The following LYPLAL1 variants were observed in gnomAD, a reference collection of about 807,000 sequenced individuals.
LYPLAL1 encodes the protein lysophospholipase like 1, also known as lysophospholipase-like protein 1.
LYPLAL1 carries 23 observed loss-of-function variants against 19.7 expected under a neutral mutation model. That is an observed-to-expected ratio of 1.17 (90% CI 0.84 to 1.65). The LOEUF (loss-of-function observed/expected upper bound fraction) is 1.65. Ranked by LOEUF, LYPLAL1 falls within the 40% of genes most tolerant of loss-of-function variation. The probability of loss-of-function intolerance (pLI) is 0.00; values close to 1 mark genes in which losing one functional copy is unlikely to be tolerated. For missense variants in LYPLAL1, 355 were observed against 279.4 expected (o/e 1.27, Z -1.93); for synonymous variants, 119 against 96.3 (o/e 1.24, Z -1.38).
At chr1:219,405,214 G>T in the LYPLAL1 span, among the ~76,000 whole-genome samples, 1 of 152,152 alleles carries the variant, frequency 6.6e-6, no homozygotes, top group Admixed American at 6.5e-5. Context: ...GCATAAGTCT[G>T]CATGGAGCTC....
intron 2 of LYPLAL1, among the ~76,000 whole-genome samples, chr1:219,185,899 T>C (rs1307155473): frequency 3.3e-5 from 5 of 151,900 alleles, no homozygotes; most frequent in Non-Finnish European, 7.4e-5. Context: ...ATAGTACTCT[T>C]CCCTCATTAG....
At chr1:219,300,217 C>G in the LYPLAL1 span, among the ~76,000 whole-genome samples, 1 of 152,060 alleles carries the variant, frequency 6.6e-6, no homozygotes, top group Non-Finnish European at 1.5e-5. Flanking sequence ...CTCCTTGGCT[C>G]AAGGGATCCT....
At chr1:219,373,882 C>CCA in the LYPLAL1 span, among the ~76,000 whole-genome samples, 1 of 119,614 alleles carries the variant, frequency 8.4e-6, no homozygotes, top group African/African-American at 3.0e-5. Flanking sequence ...AAAAAAAAAA[C>CCA]AAAAAAAAAA....
the LYPLAL1 span, among the ~76,000 whole-genome samples, chr1:219,224,086 C>T: frequency 6.6e-6 from 1 of 151,904 alleles, no homozygotes; most frequent in Non-Finnish European, 1.5e-5. Flanking sequence ...GTTCTTTTGC[C>T]AATGAAATTA....
the LYPLAL1 span, among the ~76,000 whole-genome samples, chr1:219,252,934 G>A: frequency 6.6e-6 from 1 of 151,928 alleles, no homozygotes; most frequent in Non-Finnish European, 1.5e-5. Context: ...TGGTTGGTAG[G>A]CTATTTATTA....
chr1:219,200,662 C>CA, intron 3 of LYPLAL1: 1 of 229,884 alleles, frequency 4.4e-6, no homozygotes, highest in Non-Finnish European at 9.0e-6. Flanking sequence ...CACGATCTGT[C>CA]AAAAACCACA....
At chr1:219,397,745 C>G in the LYPLAL1 span, among the ~76,000 whole-genome samples, 7 of 152,154 alleles carry the variant, frequency 4.6e-5, no homozygotes, top group Admixed American at 6.5e-5. Flanking sequence ...AAAGGCAGGT[C>G]TGGTGGTAAC....
In LYPLAL1 at chr1:219,210,908, G is replaced by T. The variant is rs544893211; in HGVS notation, c.477+261G>T. On this transcript the variant is annotated intron_variant, in intron 4 of 4. Coordinates refer to ENST00000366928, the MANE Select transcript of LYPLAL1 (RefSeq NM_138794.5). ...AAAGGATAATCATGTGTGTGGTTGTGGGGGAGCATATATGTAAATTTTATA... is the reference window on the plus strand; with the variant it reads ...AAAGGATAATCATGTGTGTGGTTGTTGGGGAGCATATATGTAAATTTTATA... Among the ~76,000 whole-genome samples the T allele has an allele frequency of 3.3e-5, 5 of 152,232 alleles. No homozygotes were observed. In the East Asian group the frequency reaches 7.7e-4, roughly 24 times the overall value.
the LYPLAL1 span, among the ~76,000 whole-genome samples, chr1:219,277,737 G>A: frequency 6.6e-6 from 1 of 152,026 alleles, no homozygotes; most frequent in Non-Finnish European, 1.5e-5. Context: ...TTAAATAATT[G>A]ACATATTTTT....
At chr1:219,425,890 A>G in the LYPLAL1 span, among the ~76,000 whole-genome samples, 1 of 152,236 alleles carries the variant, frequency 6.6e-6, no homozygotes, top group Non-Finnish European at 1.5e-5. Context: ...TTTAACTCAG[A>G]CAAGTAATAT....
At chr1:219,333,096 A>C in the LYPLAL1 span, among the ~76,000 whole-genome samples, 2 of 151,944 alleles carry the variant, frequency 1.3e-5, no homozygotes, top group Non-Finnish European at 2.9e-5. Flanking sequence ...TCCTTTCTCT[A>C]CTTCTGTCTC....
At chr1:219,429,682 A>G in the LYPLAL1 span, among the ~76,000 whole-genome samples, 2 of 152,114 alleles carry the variant, frequency 1.3e-5, no homozygotes, top group Non-Finnish European at 2.9e-5. Context: ...TAAATAAATA[A>G]GAAAGAAATT....
At chr1:219,180,722 T>C (rs1656208245) in intron 2 of LYPLAL1, among the ~76,000 whole-genome samples, 1 of 152,226 alleles carries the variant, frequency 6.6e-6, no homozygotes, top group Non-Finnish European at 1.5e-5. Flanking sequence ...TGATTAATCA[T>C]AAGACCACTG....
chr1:219,220,935 A>G, the LYPLAL1 span, among the ~76,000 whole-genome samples: 13 of 152,292 alleles, frequency 8.5e-5, no homozygotes, highest in South Asian at 1.7e-3. Context: ...TAATTGCAGT[A>G]AGGCAGCATT....
the LYPLAL1 span, among the ~76,000 whole-genome samples, chr1:219,400,879 G>A: frequency 6.6e-6 from 1 of 152,064 alleles, no homozygotes; most frequent in African/African-American, 2.4e-5. Flanking sequence ...TTATTAAAAA[G>A]CATGCTGGAA....
chr1:219,439,992 C>CATATATATATATAT, the LYPLAL1 span, among the ~76,000 whole-genome samples: 21 of 32,390 alleles, frequency 6.5e-4, 1 homozygote, highest in African/African-American at 2.0e-3. Context: ...TATATATATA[C>CATATATATATATAT]ACACATATAT....
intron 2 of LYPLAL1, among the ~76,000 whole-genome samples, chr1:219,190,662 G>A (rs1454783147): frequency 8.3e-6 from 1 of 120,458 alleles, no homozygotes; most frequent in African/African-American, 3.1e-5. Context: ...ACATAATAAC[G>A]TAATATCAAT....
At chr1:219,281,431 C>T in the LYPLAL1 span, among the ~76,000 whole-genome samples, 18 of 152,258 alleles carry the variant, frequency 1.2e-4, no homozygotes, top group Non-Finnish European at 2.4e-4. Flanking sequence ...TAAATCTAAG[C>T]ACTTACTATC....
chr1:219,362,013 T>C, the LYPLAL1 span, among the ~76,000 whole-genome samples: 37 of 152,260 alleles, frequency 2.4e-4, no homozygotes, highest in African/African-American at 8.4e-4. Context: ...TACTGGGGAA[T>C]ACCAAAATTA....
Sources: allele counts gnomAD v4.1 joint callset (sites outside exome capture counted in the v4.1 genomes callset), GRCh38; gene constraint gnomAD v4.1.1; transcripts MANE v1.5; gene names NCBI Gene and HGNC (gene_info 2026-07-23, HGNC 2026-07-21).